Variants in DCT observed in about 807,000 individuals in gnomAD.
DCT encodes dopachrome tautomerase.
Under a neutral mutation model 53.0 loss-of-function variants are expected in DCT, and 47 were observed. The ratio of observed to expected loss-of-function variants is 0.89; its 90% confidence interval spans 0.70 to 1.13. The LOEUF is 1.13. Ranked by LOEUF, DCT falls within the 50% of genes most tolerant of loss-of-function variation. DCT has a pLI of 0.00. For missense variants in DCT, 669 were observed against 637.4 expected (o/e 1.05, Z -0.53); for synonymous variants, 244 against 237.0 (o/e 1.03, Z -0.27).
the DCT span, among the ~76,000 whole-genome samples, chr13:94,525,588 C>T: frequency 2.6e-5 from 4 of 152,200 alleles, no homozygotes; most frequent in Non-Finnish European, 2.9e-5. Flanking sequence ...AGAGAGGGTG[C>T]TCCCTTTGCT....
At chr13:94,475,486 A>G (rs1456834350) in intron 1 of DCT, among the ~76,000 whole-genome samples, 1 of 152,226 alleles carries the variant, frequency 6.6e-6, no homozygotes, top group African/African-American at 2.4e-5. Context: ...GTAGCTGAAC[A>G]TAGAGAAGTA....
the DCT span, among the ~76,000 whole-genome samples, chr13:94,547,984 A>ATAT: frequency 1.5e-5 from 1 of 65,842 alleles, no homozygotes; most frequent in African/African-American, 1.3e-4. Flanking sequence ...AAAAAAAAAA[A>ATAT]ATATATATAT....
chr13:94,529,026 A>G, the DCT span, among the ~76,000 whole-genome samples: 1 of 152,206 alleles, frequency 6.6e-6, no homozygotes, highest in Admixed American at 6.5e-5. Flanking sequence ...ACCAACAAAC[A>G]TCAAAAGAGA....
chr13:94,442,824 A>G (rs7992630), intron 7 of DCT, among the ~76,000 whole-genome samples: 121,943 of 152,166 alleles, frequency 0.8, 50,315 homozygotes, highest in African/African-American at 0.93. Context: ...CGATGTGGGT[A>G]TGAAAAACAA....
chr13:94,516,189 G>A, the DCT span, among the ~76,000 whole-genome samples: 2 of 152,014 alleles, frequency 1.3e-5, no homozygotes, highest in African/African-American at 2.4e-5. Context: ...TGGATTGAGT[G>A]TGCCTGGCAG....
the DCT span, among the ~76,000 whole-genome samples, chr13:94,509,761 G>C: frequency 6.6e-6 from 1 of 152,180 alleles, no homozygotes; most frequent in Non-Finnish European, 1.5e-5. Flanking sequence ...TGAGAATCAA[G>C]TGAGAGAGTT....
intron 1 of DCT, among the ~76,000 whole-genome samples, chr13:94,476,401 C>T (rs898644137): frequency 2.6e-5 from 4 of 151,312 alleles, no homozygotes; most frequent in Admixed American, 6.6e-5. Context: ...TATGTGACTT[C>T]CTAAAGTCCT....
the DCT span, among the ~76,000 whole-genome samples, chr13:94,535,050 A>G: frequency 1.6e-4 from 24 of 152,338 alleles, no homozygotes; most frequent in South Asian, 4.6e-3. Flanking sequence ...GCCCAAATGA[A>G]TGTTGAGTAA....
chr13:94,488,106 T>C, the DCT span, among the ~76,000 whole-genome samples: 2 of 152,308 alleles, frequency 1.3e-5, no homozygotes, highest in Non-Finnish European at 2.9e-5. Context: ...CTCTAATTCT[T>C]ATTTTATCAT....
chr13:94,522,500 T>TTATATATA, the DCT span, among the ~76,000 whole-genome samples: 15 of 151,494 alleles, frequency 9.9e-5, no homozygotes, highest in African/African-American at 3.2e-4. Context: ...AAATTCCCCT[T>TTATATATA]TATATATATA....
chr13:94,459,411 T>C (rs1011517869), intron 6 of DCT, among the ~76,000 whole-genome samples: 2 of 152,228 alleles, frequency 1.3e-5, no homozygotes, highest in African/African-American at 2.4e-5. Context: ...TTTGCTCCTA[T>C]TAGCCAGGAA....
the DCT span, among the ~76,000 whole-genome samples, chr13:94,490,713 T>A: frequency 7.2e-5 from 11 of 152,098 alleles, no homozygotes; most frequent in Non-Finnish European, 8.8e-5. Context: ...TACTTACAAA[T>A]CATAGCAGAC....
intron 1 of DCT, among the ~76,000 whole-genome samples, chr13:94,469,289 G>T (rs1013358442): frequency 1.1e-4 from 17 of 152,154 alleles, no homozygotes; most frequent in African/African-American, 3.4e-4. Context: ...ACTGTATACT[G>T]CAATGAGCTA....
At chr13:94,543,075 T>G in the DCT span, among the ~76,000 whole-genome samples, 82 of 152,358 alleles carry the variant, frequency 5.4e-4, no homozygotes, top group Admixed American at 4.4e-3. Flanking sequence ...CGGACAGGGT[T>G]ATCCTGTTGG....
chr13:94,472,513 CATACATACATATATATATATATATAT>C (rs1362220354), intron 1 of DCT, among the ~76,000 whole-genome samples: 32 of 37,516 alleles, frequency 8.5e-4, no homozygotes, highest in African/African-American at 2.9e-3. Context: ...TAAATATATA[CATACATACATATATATATATATATAT>C]ATATATATAT....
the DCT span, among the ~76,000 whole-genome samples, chr13:94,518,828 T>C: frequency 1.3e-5 from 2 of 152,228 alleles, no homozygotes; most frequent in South Asian, 2.1e-4. Context: ...ATCCTTAGCA[T>C]GGACTCCAGC....
At chr13:94,540,279 T>C in the DCT span, among the ~76,000 whole-genome samples, 1 of 152,020 alleles carries the variant, frequency 6.6e-6, no homozygotes, top group Admixed American at 6.5e-5. Flanking sequence ...GCACTAAGAG[T>C]TGCAGAAAGA....
intron 1 of DCT, among the ~76,000 whole-genome samples, chr13:94,473,407 G>A (rs1884877187): frequency 6.6e-6 from 1 of 152,134 alleles, no homozygotes; most frequent in African/African-American, 2.4e-5. Flanking sequence ...CATAGATTAG[G>A]TGTATTAAAT....
the DCT span, among the ~76,000 whole-genome samples, chr13:94,503,117 C>G: frequency 6.6e-6 from 1 of 152,132 alleles, no homozygotes; most frequent in African/African-American, 2.4e-5. Context: ...TGGCTCATGC[C>G]TATAATCCCA....
Sources: gnomAD v4.1 joint callset for allele counts (sites outside exome capture counted in the v4.1 genomes callset) on GRCh38, gnomAD v4.1.1 for gene constraint, MANE v1.5 for transcripts, NCBI Gene and HGNC (gene_info 2026-07-23, HGNC 2026-07-21) for gene names.